The following MAP9 variants were observed in gnomAD, a reference collection of about 807,000 sequenced individuals.
MAP9 encodes microtubule-associated protein 9.
A neutral mutation model predicts 75.2 loss-of-function variants in MAP9; 80 were observed. The ratio of observed to expected loss-of-function variants is 1.06; its 90% confidence interval spans 0.89 to 1.28. MAP9 has a LOEUF of 1.28. Ranked by LOEUF, MAP9 falls within the 50% of genes most tolerant of loss-of-function variation. MAP9 has a pLI of 0.00. For synonymous variants in MAP9, 235 were observed against 237.3 expected, an observed-to-expected ratio of 0.99 and a Z score of 0.09; for missense variants, 753 against 719.9, an observed-to-expected ratio of 1.05 and a Z score of -0.53.
chr4:155,348,879 T>C (rs532803024), intron 13 of MAP9, among the ~76,000 whole-genome samples: 5 of 152,194 alleles, frequency 3.3e-5, no homozygotes, highest in Middle Eastern at 3.2e-3. Flanking sequence ...CTGTATTCCA[T>C]AAATATGTGC....
intron 6 of MAP9, 161 bp from the exon 7 acceptor site, chr4:155,360,576 G>A (rs879396706): frequency 6.4e-5 from 42 of 654,370 alleles, no homozygotes; most frequent in South Asian, 1.5e-4. Context: ...AACTCTTTTC[G>A]AAAGTGATTT....
chr4:155,374,266 G>A (rs1319659626), intron 3 of MAP9, among the ~76,000 whole-genome samples: 1 of 152,154 alleles, frequency 6.6e-6, no homozygotes, highest in Non-Finnish European at 1.5e-5. Context: ...TTGAACCTGG[G>A]AGGTGGAGGT....
intron 4 of MAP9, among the ~76,000 whole-genome samples, chr4:155,372,775 A>G (rs1411032242): frequency 1.3e-5 from 2 of 152,194 alleles, no homozygotes; most frequent in South Asian, 2.1e-4. Context: ...GGGATTAGAC[A>G]GCATTCCATT....
intron 13 of MAP9, among the ~76,000 whole-genome samples, chr4:155,348,218 T>A (rs1280863131): frequency 6.8e-6 from 1 of 148,088 alleles, no homozygotes; most frequent in African/African-American, 2.5e-5. Context: ...ATGCCTATAG[T>A]CCCACCTACT....
chr4:155,368,737 CTTTTCT>C lies in MAP9; in HGVS notation c.551_556del (p.Lys184_Lys185del), dbSNP rs1048482102. On this transcript the variant is annotated inframe_deletion, in exon 5 of 14. Coordinates refer to ENST00000311277, the MANE Select transcript of MAP9 (RefSeq NM_001039580.2). ...TAGTCCATCCTTCTCCTCCATGTGA[CTTTTCT>C]TTTTCAACATACTCCTTGGCCGAGG... 6.2e-7 allele frequency: 1 copy of C among 1,614,084 alleles called. No individual in the cohort carries two copies. The highest frequency in any genetic ancestry group is 1.3e-5 in the African/African-American group (1 of 75,040).
intron 5 of MAP9, among the ~76,000 whole-genome samples, chr4:155,366,470 G>A (rs1256503893): frequency 6.6e-6 from 1 of 152,108 alleles, no homozygotes; most frequent in African/African-American, 2.4e-5. Flanking sequence ...AAATGATTGC[G>A]GTTTTTGTCA....
At chr4:155,363,010 C>T (rs1338380479) in intron 5 of MAP9, 1 of 152,124 alleles carries the variant, frequency 6.6e-6, no homozygotes, top group African/African-American at 2.4e-5. Flanking sequence ...AGGCTACAGC[C>T]TTGGTGGAAT....
intron 4 of MAP9, among the ~76,000 whole-genome samples, chr4:155,370,650 T>C: frequency 7.4e-6 from 1 of 134,578 alleles, no homozygotes; most frequent in East Asian, 2.5e-4. Context: ...TTGAGTCAAT[T>C]TTTTTTATTA....
intron 5 of MAP9, among the ~76,000 whole-genome samples, chr4:155,365,047 G>A (rs1553967188): frequency 6.6e-6 from 1 of 151,956 alleles, no homozygotes; most frequent in Non-Finnish European, 1.5e-5. Context: ...AATCATAGCA[G>A]TATTTACATT....
rs753390212 is a variant in MAP9 at position 155,355,167 on chromosome 4, GA to G, written c.1291-8del. 2 of 977,614 alleles carry G rather than the reference GA, an allele frequency of 2.0e-6. No individual in the cohort carries two copies. Among genetic ancestry groups the G allele is most frequent in the South Asian group, 3.7e-5 (2 of 54,120 alleles). 60.6% of individuals were successfully genotyped at this position (977,614 alleles called of 1,614,324 possible). On this transcript the variant is annotated splice_polypyrimidine_tract_variant and splice_region_variant and intron_variant, in intron 9 of 13. Transcript: ENST00000311277. ...TTTTCTTTTCTAACCACTCCTATAA[GA>G]ACAAGAAAAAGGTCATATAATATTT...
Position 155,347,674 on chromosome 4 carries a change from G to C in MAP9, c.*109C>G. The C allele has an allele frequency of 1.4e-5, 15 of 1,053,150 alleles. No homozygotes were observed. Among genetic ancestry groups the C allele is most frequent in the Non-Finnish European group, 1.9e-5 (14 of 755,252 alleles). The allele number at this position is 1,053,150 out of a possible 1,614,324, so 65.2% of individuals were successfully genotyped here. A position where few individuals can be genotyped will look rare whatever the true frequency, so the allele number is the denominator to read the frequency against. ...CTTTCATTGTCAGCAGGAGTGTCTG[G>C]CATTTAATTAAAATATATTCCTCTA... On this transcript the variant is annotated 3_prime_UTR_variant, in exon 14 of 14. Transcript: ENST00000311277.
chr4:155,353,837 C>T (rs1018887647), intron 10 of MAP9, among the ~76,000 whole-genome samples: 1 of 152,098 alleles, frequency 6.6e-6, no homozygotes, highest in Non-Finnish European at 1.5e-5. Flanking sequence ...TCTTACTGCA[C>T]AAATGTATTC....
chr4:155,376,637 C>G (rs1732861335), intron 1 of MAP9, 134 bp downstream of exon 1: 1 of 152,722 alleles, frequency 6.5e-6, no homozygotes, highest in African/African-American at 2.4e-5. Context: ...GGCCCGTGCA[C>G]GTCCAAGCGC....
At chr4:155,363,073 AT>A (rs1732162223) in intron 5 of MAP9, 1 of 152,218 alleles carries the variant, frequency 6.6e-6, no homozygotes, top group Non-Finnish European at 1.5e-5. Flanking sequence ...GCCAATAAGT[AT>A]GTGGAAAATA....
chr4:155,371,980 G>T (rs920158321), intron 4 of MAP9, among the ~76,000 whole-genome samples: 3 of 152,034 alleles, frequency 2.0e-5, no homozygotes, highest in African/African-American at 7.2e-5. Context: ...TAGTTTATGA[G>T]ATGCACTTCA....
Position 155,352,962 on chromosome 4 carries a change from C to T in MAP9, c.1638G>A (p.Glu546=), listed in dbSNP as rs993036789. 6.5e-7 allele frequency: 1 copy of T among 1,540,660 alleles called. No homozygotes were observed. Among genetic ancestry groups the T allele is most frequent in the Non-Finnish European group, 8.8e-7 (1 of 1,139,272 alleles). ...CTTTCTTTTTCTCGGCAACAGTTTC[C>T]TCCTCTTTCTGTTTCTTTGCTCTTT... ...EYERAKKQKE[E]ETVAEKKKDN... is the part of the protein sequence containing the mutation. Residue 546 remains glutamate (E), a synonymous_variant, in exon 12 of 14, where the codon GAG becomes GAA. Coordinates refer to ENST00000311277, the MANE Select transcript of MAP9 (RefSeq NM_001039580.2).
intron 8 of MAP9, 120 bp from the exon 9 acceptor site, chr4:155,356,004 T>A: frequency 1.1e-6 from 1 of 889,238 alleles, no homozygotes; most frequent in Non-Finnish European, 1.7e-6. Flanking sequence ...CTCACACCTG[T>A]AATCCCAGCA....
At chr4:155,365,297 G>A (rs1343447456) in intron 5 of MAP9, among the ~76,000 whole-genome samples, 1 of 151,938 alleles carries the variant, frequency 6.6e-6, no homozygotes, top group Non-Finnish European at 1.5e-5. Context: ...CAGAGGTAGA[G>A]ACGTTTCATA....
chr4:155,367,927 G>GA (rs1400759766), intron 5 of MAP9, among the ~76,000 whole-genome samples: 1 of 152,236 alleles, frequency 6.6e-6, no homozygotes, highest in African/African-American at 2.4e-5. Flanking sequence ...GCAGATTATG[G>GA]GGAAGAAATG....
Sources: gnomAD v4.1 joint callset for allele counts (sites outside exome capture counted in the v4.1 genomes callset) on GRCh38, gnomAD v4.1.1 for gene constraint, MANE v1.5 for transcripts, NCBI Gene and HGNC (gene_info 2026-07-23, HGNC 2026-07-21) for gene names.